ITGA1: variants seen among roughly 807,000 people sequenced by gnomAD.
The protein encoded by ITGA1 is integrin subunit alpha 1.
In ITGA1, 85 loss-of-function variants were observed where a neutral mutation model predicts 145.9. The ratio of observed to expected loss-of-function variants is 0.58; its 90% CI spans 0.49 to 0.70. The LOEUF (loss-of-function observed/expected upper bound fraction) is 0.70, where lower values mean the gene tolerates loss of function less well. Among genes scored for constraint, ITGA1 ranks in the 30% least tolerant of loss-of-function variants. ITGA1 has a pLI of 0.00. For synonymous variants in ITGA1, 520 were observed against 495.3 expected (o/e 1.05, Z -0.66); for missense variants, 1,351 against 1,418.7 (o/e 0.95, Z 0.77).
intron 1 of ITGA1, among the ~76,000 whole-genome samples, chr5:52,834,231 G>A (rs1439804841): frequency 6.6e-6 from 1 of 152,166 alleles, no homozygotes; most frequent in Non-Finnish European, 1.5e-5. Context: ...GTCTTAGTCT[G>A]CTTAGTTGCC....
chr5:52,905,918 A>G lies in ITGA1; in HGVS notation c.1455+10A>G. The G allele has an allele frequency of 6.2e-7, 1 of 1,606,190 alleles. No homozygotes were observed. The highest frequency in any genetic ancestry group is 8.5e-7 in the Non-Finnish European group (1 of 1,174,926). ...GCTCAGTGGAGAACAGGTAAACTTG[A>G]AAAATATTCTTTTATTTAAATTAAT... On this transcript the variant is annotated intron_variant, in intron 12 of 28. Transcript: ENST00000282588.
In ITGA1 at chr5:52,862,205, C is replaced by A. The variant is rs545706898; in HGVS notation, c.295+646C>A. 1.8e-3 allele frequency among the ~76,000 whole-genome samples: 158 copies of A among 88,198 alleles called. 6 individuals carry two copies. In the South Asian group the frequency reaches 0.045, roughly 25 times the overall value. The allele number at this position is 88,198 out of a possible 152,430, so 57.9% of individuals were successfully genotyped here. A position where few individuals can be genotyped will look rare whatever the true frequency, so the allele number is the denominator to read the frequency against. ...TGCACTCCAGCCTGAGGAACAAGAG[C>A]AAAACTCCATCTCAAAAAAAAAAAA... is the stretch of plus-strand genomic sequence containing the variant. On this transcript the variant is annotated intron_variant, in intron 3 of 28. Coordinates refer to ENST00000282588, the MANE Select transcript of ITGA1 (RefSeq NM_181501.2).
intron 1 of ITGA1, among the ~76,000 whole-genome samples, chr5:52,793,845 ATAAAG>A (rs1173848558): frequency 6.6e-6 from 1 of 152,048 alleles, no homozygotes; most frequent in Non-Finnish European, 1.5e-5. Context: ...AAAGGTGACA[ATAAAG>A]TAATCATATA....
At chr5:52,880,323 G>T (rs1749937666) in intron 6 of ITGA1, among the ~76,000 whole-genome samples, 1 of 152,082 alleles carries the variant, frequency 6.6e-6, no homozygotes, top group African/African-American at 2.4e-5. Context: ...GTTTTAAAAA[G>T]ACCATTAAAT....
At chr5:52,844,561 G>T (rs1749305520) in intron 1 of ITGA1, among the ~76,000 whole-genome samples, 1 of 152,160 alleles carries the variant, frequency 6.6e-6, no homozygotes, top group Non-Finnish European at 1.5e-5. Flanking sequence ...TCAGAATGAT[G>T]ATAGTAATGG....
intron 1 of ITGA1, among the ~76,000 whole-genome samples, chr5:52,807,562 A>T (rs1042238830): frequency 6.6e-6 from 1 of 151,668 alleles, no homozygotes; most frequent in African/African-American, 2.4e-5. Flanking sequence ...ACATGTATCT[A>T]AAAATAAAAA....
At chr5:52,792,902 A>G (rs911714767) in intron 1 of ITGA1, among the ~76,000 whole-genome samples, 5 of 152,122 alleles carry the variant, frequency 3.3e-5, no homozygotes, top group African/African-American at 9.7e-5. Context: ...TTCGCCCTCA[A>G]AGCAAGTACA....
At chr5:52,806,670 C>G (rs989533374) in intron 1 of ITGA1, among the ~76,000 whole-genome samples, 5 of 151,910 alleles carry the variant, frequency 3.3e-5, no homozygotes, top group African/African-American at 1.2e-4. Flanking sequence ...TCTAAATTTC[C>G]AAGAATAATC....
In ITGA1 at chr5:52,944,930, A is replaced by C. The variant is rs1159567927; in HGVS notation, c.3286-13A>C. ...GCATCATATATTAAGAACAAATCCT[A>C]TTTGCTTTTCAGTCATATTTTTCCA... On this transcript the variant is annotated splice_polypyrimidine_tract_variant and intron_variant, in intron 26 of 28. Coordinates refer to ENST00000282588, the MANE Select transcript of ITGA1 (RefSeq NM_181501.2). 1 of 1,566,766 alleles carries C rather than the reference A, an allele frequency of 6.4e-7. No homozygotes were observed. Among genetic ancestry groups the C allele is most frequent in the Non-Finnish European group, 8.8e-7 (1 of 1,138,478 alleles).
chr5:52,838,067 G>A (rs187626553), intron 1 of ITGA1, among the ~76,000 whole-genome samples: 176 of 152,206 alleles, frequency 1.2e-3, no homozygotes, highest in Middle Eastern at 3.4e-3. Context: ...AGTTACATTC[G>A]TTTGGCTTAT....
At chr5:52,836,648 A>T (rs1749166991) in intron 1 of ITGA1, among the ~76,000 whole-genome samples, 1 of 152,010 alleles carries the variant, frequency 6.6e-6, no homozygotes, top group South Asian at 2.1e-4. Flanking sequence ...GTGCCTTCTC[A>T]GATCTGCTGC....
chr5:52,832,283 G>A (rs903206941), intron 1 of ITGA1, among the ~76,000 whole-genome samples: 6 of 152,026 alleles, frequency 3.9e-5, no homozygotes, highest in South Asian at 4.2e-4. Context: ...ATTAATCAAC[G>A]GTGGCCAAGA....
At position 52,958,737 on chromosome 5, in the gene ITGA1, T is replaced by C. The variant is rs537518667; in HGVS notation, c.*6286T>C. The C allele has an allele frequency of 6.6e-6, 1 of 152,338 alleles. No individual in the cohort carries two copies. Among genetic ancestry groups the C allele is most frequent in the South Asian group, 2.1e-4 (1 of 4,834 alleles). The allele number at this position is 152,338 out of a possible 1,614,324, so 9.4% of individuals were successfully genotyped here. ...GAAAAATATTGCATACAAGAACTAC[T>C]GCCCTGAAATATCCATCACTCCAAT... On this transcript the variant is annotated 3_prime_UTR_variant, in exon 29 of 29. Transcript: ENST00000282588.
rs76977946 is a variant in ITGA1, at chr5:52,805,847, G to A, written c.61+17433G>A. On this transcript the variant is annotated intron_variant, in intron 1 of 28. Coordinates refer to ENST00000282588, the MANE Select transcript of ITGA1 (RefSeq NM_181501.2). The stretch of plus-strand genomic sequence containing the variant: ...GAGGAACCACAAGAGTCTGAACTGT[G>A]GCATCAATTTTGCAGTTGGATTTAC... Among the ~76,000 whole-genome samples the A allele has an allele frequency of 6.4e-3, 968 of 152,040 alleles. 11 individuals carry two copies. The highest frequency in any genetic ancestry group is 0.023 in the African/African-American group (937 of 41,474).
chr5:52,799,434 G>C (rs917780823), intron 1 of ITGA1, among the ~76,000 whole-genome samples: 1 of 152,132 alleles, frequency 6.6e-6, no homozygotes, highest in African/African-American at 2.4e-5. Context: ...ACTGGGCTGC[G>C]GAAAGCTGAG....
At chr5:52,868,371 G>A (rs1749722820) in intron 6 of ITGA1, among the ~76,000 whole-genome samples, 2 of 152,128 alleles carry the variant, frequency 1.3e-5, no homozygotes, top group Non-Finnish European at 2.9e-5. Flanking sequence ...CTTCTGTGAA[G>A]ATCTATGCCA....
At chr5:52,809,145 C>G (rs1748644431) in intron 1 of ITGA1, among the ~76,000 whole-genome samples, 4 of 152,138 alleles carry the variant, frequency 2.6e-5, no homozygotes, top group Admixed American at 2.6e-4. Flanking sequence ...ACTCTTCCTG[C>G]CTTTCTTCTT....
intron 2 of ITGA1, among the ~76,000 whole-genome samples, chr5:52,852,581 G>C (rs1238070593): frequency 1.3e-5 from 2 of 152,160 alleles, no homozygotes; most frequent in Non-Finnish European, 2.9e-5. Context: ...CATTGACAGA[G>C]AAAGGGAAAT....
At chr5:52,949,098 T>C (rs990694946) in intron 28 of ITGA1, among the ~76,000 whole-genome samples, 2 of 152,134 alleles carry the variant, frequency 1.3e-5, no homozygotes, top group Non-Finnish European at 1.5e-5. Flanking sequence ...TGACAAACTT[T>C]GGGCTGTCTT....
Sources: allele counts gnomAD v4.1 joint callset (sites outside exome capture counted in the v4.1 genomes callset), GRCh38; gene constraint gnomAD v4.1.1; transcripts MANE v1.5; gene names NCBI Gene and HGNC (gene_info 2026-07-23, HGNC 2026-07-21).